The following TRPM7 variants were observed in gnomAD, a reference collection of about 807,000 sequenced individuals.
The protein encoded by TRPM7 is LTRPC ion channel family member 7.
In TRPM7, 134 loss-of-function variants were observed where a neutral mutation model predicts 229.7. The ratio of observed to expected loss-of-function variants is 0.58; its 90% CI spans 0.51 to 0.67. The LOEUF is 0.67. TRPM7 is among the 30% of genes least tolerant of loss of function. TRPM7 has a pLI of 0.00. For synonymous variants in TRPM7, 699 were observed against 715.2 expected (o/e 0.98, Z 0.36); for missense variants, 1,901 against 2,210.0 (o/e 0.86, Z 2.80).
At position 50,679,361 on chromosome 15, in the gene TRPM7, G is replaced by A. The variant is rs867803106; in HGVS notation, c.3+7170C>T. 3.9e-4 allele frequency among the ~76,000 whole-genome samples: 58 copies of A among 149,650 alleles called. 1 individual carries two copies. In the Middle Eastern group the frequency reaches 0.01, roughly 27 times the overall value. ...AAAAAACAAAACAGAAAACTTGGAC[G>A]CTTGGACGTTCACACTGCGAGTAAG... On this transcript the variant is annotated intron_variant, in intron 1 of 38. Transcript: ENST00000646667.
intron 4 of TRPM7, 108 bp from the exon 5 acceptor site, chr15:50,643,661 G>C (rs1458807978): frequency 1.3e-6 from 1 of 757,782 alleles, no homozygotes; most frequent in Non-Finnish European, 2.1e-6. Flanking sequence ...TATGTAAAAA[G>C]AGATTTCATA....
intron 6 of TRPM7, among the ~76,000 whole-genome samples, chr15:50,638,358 C>CAAAAAAA (rs60939201): frequency 2.4e-5 from 1 of 42,282 alleles, no homozygotes; most frequent in African/African-American, 1.2e-4. Context: ...GACTCCGTCT[C>CAAAAAAA]AAAAAAAAAA....
In TRPM7 at chr15:50,569,173, T is replaced by A. The variant is rs146702217; in HGVS notation, c.5467+714A>T. On this transcript the variant is annotated intron_variant, in intron 38 of 38. Transcript: ENST00000646667. The stretch of plus-strand genomic sequence containing the variant: ...TATCAGCCTCCTGAGTAGCTGGGAC[T>A]ACAGGCATGTGTCACTGCTCCTGGT... Among the ~76,000 whole-genome samples, 588 of 152,250 alleles carry A rather than the reference T, an allele frequency of 3.9e-3. 3 individuals are homozygous for A. Among genetic ancestry groups the A allele is most frequent in the African/African-American group, 0.013 (561 of 41,562 alleles).
chr15:50,590,861 A>T (rs775740920), intron 26 of TRPM7, among the ~76,000 whole-genome samples: 3 of 151,688 alleles, frequency 2.0e-5, no homozygotes, highest in Non-Finnish European at 4.4e-5. Flanking sequence ...TATTTAACGT[A>T]GGAAAAGTTA....
rs2062115696 is a variant in TRPM7 at position 50,677,363 on chromosome 15, T to TATG, written c.3+9165_3+9167dup. ...CACACTGGAGGTTAGGGCTTCAAGA[T>TATG]ATGAATTCTCGGGGAGCGAGGGAGA... On this transcript the variant is annotated intron_variant, in intron 1 of 38. Transcript: ENST00000646667. Among the ~76,000 whole-genome samples, 3 of 152,036 alleles carry TATG rather than the reference T, an allele frequency of 2.0e-5. No individual in the cohort carries two copies. The South Asian group carries it at 6.2e-4, about 32-fold the overall frequency.
intron 4 of TRPM7, among the ~76,000 whole-genome samples, chr15:50,645,193 C>G (rs2061227288): frequency 6.6e-6 from 1 of 151,974 alleles, no homozygotes; most frequent in Admixed American, 6.6e-5. Context: ...ACACACGGCA[C>G]CCAGCATGGT....
chr15:50,594,393 A>AAAATG, intron 24 of TRPM7, 36 bp downstream of exon 24: 1 of 1,514,360 alleles, frequency 6.6e-7, no homozygotes, highest in Non-Finnish European at 9.0e-7. Context: ...GAGAAGTGAT[A>AAAATG]AAATGAAAAC....
chr15:50,665,910 T>C (rs2061866248), intron 1 of TRPM7, among the ~76,000 whole-genome samples: 1 of 152,048 alleles, frequency 6.6e-6, no homozygotes, highest in Non-Finnish European at 1.5e-5. Context: ...GGAGAACTGC[T>C]TGAACGTGGA....
chr15:50,635,216 G>T (rs2060854129), intron 7 of TRPM7, among the ~76,000 whole-genome samples: 1 of 150,532 alleles, frequency 6.6e-6, no homozygotes, highest in South Asian at 2.1e-4. Flanking sequence ...ACTCAGGAGG[G>T]CTGAGGCAGG....
At chr15:50,568,713 G>T (rs1204988514) in intron 38 of TRPM7, among the ~76,000 whole-genome samples, 1 of 152,080 alleles carries the variant, frequency 6.6e-6, no homozygotes, top group East Asian at 1.9e-4. Flanking sequence ...GGTGGCTCAC[G>T]CCTGTAATCC....
chr15:50,634,342 TAAA>T, intron 8 of TRPM7, 37 bp downstream of exon 8: 1 of 1,357,450 alleles, frequency 7.4e-7, no homozygotes, highest in Non-Finnish European at 9.7e-7. Context: ...AATAAATAAA[TAAA>T]TAAATAAAAT....
At chr15:50,605,893 A>G (rs1220481844) in intron 20 of TRPM7, among the ~76,000 whole-genome samples, 1 of 152,254 alleles carries the variant, frequency 6.6e-6, no homozygotes, top group East Asian at 1.9e-4. Context: ...TTAAAATGCA[A>G]AATAAGCTAT....
intron 1 of TRPM7, among the ~76,000 whole-genome samples, chr15:50,669,581 G>A (rs1414731889): frequency 6.6e-6 from 1 of 152,182 alleles, no homozygotes; most frequent in East Asian, 1.9e-4. Flanking sequence ...ATCTGGCCAA[G>A]TATAACAAAG....
intron 20 of TRPM7, among the ~76,000 whole-genome samples, chr15:50,606,893 G>A (rs1206004931): frequency 6.6e-6 from 1 of 152,118 alleles, no homozygotes. Flanking sequence ...TTTTTGAAGA[G>A]TGACAGAGAG....
chr15:50,654,691 T>C (rs989705601), intron 3 of TRPM7, among the ~76,000 whole-genome samples: 8 of 151,004 alleles, frequency 5.3e-5, no homozygotes, highest in African/African-American at 1.9e-4. Flanking sequence ...AAAAATGTAA[T>C]GTATGAAATG....
intron 1 of TRPM7, among the ~76,000 whole-genome samples, chr15:50,665,885 C>T (rs1288090477): frequency 6.6e-6 from 1 of 151,890 alleles, no homozygotes; most frequent in Admixed American, 6.6e-5. Context: ...CCCAGCTACT[C>T]GAGAGACTGA....
At chr15:50,642,299 T>A (rs375675431) in intron 5 of TRPM7, among the ~76,000 whole-genome samples, 4 of 152,188 alleles carry the variant, frequency 2.6e-5, no homozygotes, top group African/African-American at 9.7e-5. Flanking sequence ...CTAAACAGTA[T>A]AAGCTTTATA....
At chr15:50,686,237 G>A (rs1445198508) in intron 1 of TRPM7, among the ~76,000 whole-genome samples, 2 of 152,234 alleles carry the variant, frequency 1.3e-5, no homozygotes, top group Admixed American at 6.5e-5. Context: ...AGCCCAGCCA[G>A]GTAGTCCCGG....
intron 1 of TRPM7, among the ~76,000 whole-genome samples, chr15:50,664,169 G>A (rs2061816606): frequency 6.6e-6 from 1 of 151,752 alleles, no homozygotes; most frequent in Non-Finnish European, 1.5e-5. Context: ...GTGGTGGCGT[G>A]TGCCTGTAAT....
Sources: allele counts gnomAD v4.1 joint callset (sites outside exome capture counted in the v4.1 genomes callset), GRCh38; gene constraint gnomAD v4.1.1; transcripts MANE v1.5; gene names NCBI Gene and HGNC (gene_info 2026-07-23, HGNC 2026-07-21).